The following FBXL7 variants were observed in gnomAD, a reference collection of about 807,000 sequenced individuals.
FBXL7 encodes F-box/LRR-repeat protein 7.
In FBXL7, 12 loss-of-function variants were observed where a neutral mutation model predicts 38.3. The observed-to-expected ratio is 0.31, with a 90% confidence interval of 0.20 to 0.51. The LOEUF is 0.51. Among genes scored for constraint, FBXL7 ranks in the 20% least tolerant of loss-of-function variants. The probability of loss-of-function intolerance (pLI) is 0.98; values close to 1 mark genes in which losing one functional copy is unlikely to be tolerated. For synonymous variants in FBXL7, 297 were observed against 300.9 expected, an observed-to-expected ratio of 0.99 and a Z score of 0.13; for missense variants, 567 against 676.4, an observed-to-expected ratio of 0.84 and a Z score of 1.79.
chr5:15,831,491 C>T (rs373296130), intron 2 of FBXL7, among the ~76,000 whole-genome samples: 9 of 152,266 alleles, frequency 5.9e-5, no homozygotes, highest in South Asian at 2.1e-4. Flanking sequence ...GTATGATTCC[C>T]GGGAAAGAGG....
intron 2 of FBXL7, among the ~76,000 whole-genome samples, chr5:15,775,279 A>G (rs1425276849): frequency 6.6e-6 from 1 of 152,198 alleles, no homozygotes; most frequent in Non-Finnish European, 1.5e-5. Context: ...TTGCTGGAAA[A>G]TACTACCTAA....
At chr5:15,567,666 T>C (rs1738629013) in intron 1 of FBXL7, among the ~76,000 whole-genome samples, 1 of 152,130 alleles carries the variant, frequency 6.6e-6, no homozygotes, top group Admixed American at 6.5e-5. Flanking sequence ...TACATACGTA[T>C]ACATGTGCCA....
chr5:15,772,948 G>A (rs1269361885), intron 2 of FBXL7, among the ~76,000 whole-genome samples: 1 of 151,834 alleles, frequency 6.6e-6, no homozygotes, highest in Non-Finnish European at 1.5e-5. Flanking sequence ...AGACTGGAGT[G>A]CAGTACTGAG....
intron 1 of FBXL7, among the ~76,000 whole-genome samples, chr5:15,528,555 G>C (rs1258911691): frequency 6.6e-6 from 1 of 152,212 alleles, no homozygotes; most frequent in Non-Finnish European, 1.5e-5. Context: ...AAGAGAATGA[G>C]AGCCAAATGA....
intron 2 of FBXL7, among the ~76,000 whole-genome samples, chr5:15,625,962 T>TG (rs962159094): frequency 7.5e-4 from 114 of 152,266 alleles, no homozygotes; most frequent in African/African-American, 2.6e-3. Flanking sequence ...TGACAACTAT[T>TG]GCGTGGGGGG....
chr5:15,602,123 C>T (rs989121934), intron 1 of FBXL7: 3 of 152,156 alleles, frequency 2.0e-5, no homozygotes, highest in African/African-American at 7.2e-5. Flanking sequence ...TCAGAGTCTC[C>T]ATGGAGCCCT....
chr5:15,737,039 G>A (rs541580718), intron 2 of FBXL7, among the ~76,000 whole-genome samples: 10 of 152,216 alleles, frequency 6.6e-5, no homozygotes, highest in African/African-American at 1.9e-4. Flanking sequence ...TGAGGAAATG[G>A]TAGCACAGAG....
intron 2 of FBXL7, among the ~76,000 whole-genome samples, chr5:15,920,676 A>T (rs1741716420): frequency 1.3e-5 from 2 of 152,024 alleles, no homozygotes; most frequent in African/African-American, 4.8e-5. Flanking sequence ...ACCTGCCACC[A>T]TGCCCAGCTA....
At chr5:15,631,667 CAAAAAAAAAAAAAAAA>C (rs754975686) in intron 2 of FBXL7, among the ~76,000 whole-genome samples, 14 of 43,894 alleles carry the variant, frequency 3.2e-4, no homozygotes, top group Non-Finnish European at 5.3e-4. Flanking sequence ...AGCGAGACTC[CAAAAAAAAAAAAAAAA>C]AAAAAAAAAA....
intron 2 of FBXL7, among the ~76,000 whole-genome samples, chr5:15,864,682 GTTACTGGGAGGAA>G (rs1362441748): frequency 6.6e-6 from 1 of 152,196 alleles, no homozygotes; most frequent in African/African-American, 2.4e-5. Flanking sequence ...GTAGAATAAA[GTTACTGGGAGGAA>G]CCAGAAAAGT....
intron 2 of FBXL7, among the ~76,000 whole-genome samples, chr5:15,761,719 A>G (rs1004266718): frequency 1.3e-4 from 19 of 151,974 alleles, no homozygotes; most frequent in African/African-American, 4.3e-4. Flanking sequence ...AAGTTTTTGT[A>G]TTTTTAGTAG....
intron 2 of FBXL7, among the ~76,000 whole-genome samples, chr5:15,921,701 T>C (rs890809522): frequency 6.6e-6 from 1 of 152,170 alleles, no homozygotes; most frequent in African/African-American, 2.4e-5. Context: ...ATAGAAATTT[T>C]TCTAAAGATG....
At chr5:15,526,824 A>G (rs1235790821) in intron 1 of FBXL7, among the ~76,000 whole-genome samples, 1 of 152,200 alleles carries the variant, frequency 6.6e-6, no homozygotes, top group Non-Finnish European at 1.5e-5. Flanking sequence ...TCTGAGCACA[A>G]CTTGTTGCTT....
intron 2 of FBXL7, among the ~76,000 whole-genome samples, chr5:15,869,821 A>C (rs1739875845): frequency 6.6e-6 from 1 of 152,164 alleles, no homozygotes; most frequent in Non-Finnish European, 1.5e-5. Flanking sequence ...CATCAAAATA[A>C]TAATTAAGCT....
chr5:15,920,395 G>A (rs1227268578), intron 2 of FBXL7, among the ~76,000 whole-genome samples: 1 of 152,198 alleles, frequency 6.6e-6, no homozygotes, highest in Non-Finnish European at 1.5e-5. Flanking sequence ...CTGTAAATCT[G>A]TAATGCAAAA....
At chr5:15,896,071 C>G (rs1741096942) in intron 2 of FBXL7, among the ~76,000 whole-genome samples, 1 of 150,690 alleles carries the variant, frequency 6.6e-6, no homozygotes, top group Non-Finnish European at 1.5e-5. Context: ...GTTGCCCAGG[C>G]TGGAGTGCAA....
At chr5:15,798,908 T>G (rs1737485945) in intron 2 of FBXL7, among the ~76,000 whole-genome samples, 1 of 152,222 alleles carries the variant, frequency 6.6e-6, no homozygotes, top group Non-Finnish European at 1.5e-5. Flanking sequence ...CAAATGAGGA[T>G]TCTGACTTAG....
At chr5:15,580,117 A>T (rs1311759181) in intron 1 of FBXL7, among the ~76,000 whole-genome samples, 1 of 151,934 alleles carries the variant, frequency 6.6e-6, no homozygotes, top group Non-Finnish European at 1.5e-5. Flanking sequence ...AGTTCATGCG[A>T]GTGTAGCCCC....
chr5:15,728,547 AGTCT>A (rs1735486310), intron 2 of FBXL7, among the ~76,000 whole-genome samples: 1 of 152,202 alleles, frequency 6.6e-6, no homozygotes, highest in Admixed American at 6.5e-5. Flanking sequence ...GGAAAGAAAT[AGTCT>A]GTGGAGAAAG....
Sources: gnomAD v4.1 joint callset for allele counts (sites outside exome capture counted in the v4.1 genomes callset) on GRCh38, gnomAD v4.1.1 for gene constraint, MANE v1.5 for transcripts, NCBI Gene and HGNC (gene_info 2026-07-23, HGNC 2026-07-21) for gene names.